The following CCDC14 variants were observed in gnomAD, a reference collection of about 807,000 sequenced individuals.
CCDC14 encodes the protein coiled-coil domain-containing protein 14.
In CCDC14, 71 loss-of-function variants were observed where a neutral mutation model predicts 81.4. That is an observed-to-expected ratio of 0.87 (90% CI 0.72 to 1.06). The LOEUF is 1.06. Among genes scored for constraint, CCDC14 ranks in the 50% least tolerant of loss-of-function variants. CCDC14 has a pLI of 0.00. For missense variants in CCDC14, 1,046 were observed against 1,047.3 expected (o/e 1.00, Z 0.02); for synonymous variants, 332 against 364.8 (o/e 0.91, Z 1.03).
rs371723607 is a variant in CCDC14 at position 123,917,529 on chromosome 3, A to G, written c.1779-1811T>C. ...AAAAAACAAAAAACAAAAAAACCCAAAAAACCAATTTAAACAAAGATACAA... is the reference window on the plus strand; with the variant it reads ...AAAAAACAAAAAACAAAAAAACCCAGAAAACCAATTTAAACAAAGATACAA... On this transcript the variant is annotated intron_variant, in intron 12 of 12. Transcript: ENST00000409697. Among the ~76,000 whole-genome samples the G allele has an allele frequency of 5.3e-5, 8 of 151,968 alleles. No homozygotes were observed. The South Asian group carries it at 1.0e-3, about 20-fold the overall frequency.
intron 9 of CCDC14, among the ~76,000 whole-genome samples, chr3:123,944,036 T>C (rs533005371): frequency 2.6e-5 from 4 of 152,226 alleles, no homozygotes; most frequent in East Asian, 3.9e-4. Context: ...GTGATTGGCA[T>C]TGGAAGTAGA....
chr3:123,902,013 C>T (rs2034188818), intron 5 of CCDC14, among the ~76,000 whole-genome samples: 1 of 152,116 alleles, frequency 6.6e-6, no homozygotes, highest in African/African-American at 2.4e-5. Context: ...CATAGTAAAG[C>T]TTCCAAAGAT....
chr3:123,899,530 C>G (rs888181084), intron 5 of CCDC14, among the ~76,000 whole-genome samples: 1 of 152,234 alleles, frequency 6.6e-6, no homozygotes, highest in African/African-American at 2.4e-5. Context: ...TCCAGCAGTC[C>G]TGGCCAGAAA....
At chr3:123,946,181 CA>C (rs1197846123) in intron 8 of CCDC14, among the ~76,000 whole-genome samples, 1 of 150,934 alleles carries the variant, frequency 6.6e-6, no homozygotes, top group African/African-American at 2.4e-5. Context: ...TCAATGCTTC[CA>C]AAATCAATTA....
chr3:123,952,982 A>C (rs2037111970), intron 5 of CCDC14: 1 of 166,140 alleles, frequency 6.0e-6, no homozygotes, highest in Non-Finnish European at 1.3e-5. Flanking sequence ...CCTTCTGATT[A>C]AGAAAATATG....
At chr3:123,911,148 A>G (rs905309140), downstream of CCDC14, among the ~76,000 whole-genome samples, 17 of 152,324 alleles carry the variant, frequency 1.1e-4, no homozygotes, top group African/African-American at 3.6e-4. Context: ...TTCTTTGGGT[A>G]TAACAGTGAG....
chr3:123,902,623 T>C (rs1447515721), intron 5 of CCDC14, among the ~76,000 whole-genome samples: 1 of 152,048 alleles, frequency 6.6e-6, no homozygotes, highest in East Asian at 1.9e-4. Context: ...AACAAATAAA[T>C]TGTATGGAGG....
intron 5 of CCDC14, among the ~76,000 whole-genome samples, chr3:123,905,194 A>G (rs1431951392): frequency 1.3e-5 from 2 of 152,254 alleles, no homozygotes; most frequent in African/African-American, 2.4e-5. Flanking sequence ...AGAATATACC[A>G]TAAAACTACT....
intron 4 of CCDC14, 35 bp from the exon 5 acceptor site, chr3:123,956,000 A>G: frequency 6.5e-7 from 1 of 1,528,862 alleles, no homozygotes; most frequent in South Asian, 1.3e-5. Context: ...ACATCAAAAT[A>G]ATGACTTGAG....
intron 12 of CCDC14, among the ~76,000 whole-genome samples, chr3:123,924,078 G>A (rs1285218790): frequency 2.6e-5 from 4 of 151,474 alleles, no homozygotes; most frequent in Non-Finnish European, 4.4e-5. Context: ...AAATCAAAAC[G>A]GCATGAACTG....
intron 5 of CCDC14, among the ~76,000 whole-genome samples, chr3:123,905,212 CT>C (rs2148763021): frequency 6.6e-6 from 1 of 152,206 alleles, no homozygotes; most frequent in Admixed American, 6.5e-5. Context: ...ACTGAGAAAC[CT>C]TTGGGGAGAC....
At chr3:123,960,813 A>T (rs1365455919) in intron 1 of CCDC14, among the ~76,000 whole-genome samples, 14 of 152,152 alleles carry the variant, frequency 9.2e-5, no homozygotes, top group Admixed American at 9.2e-4. Context: ...CTGAGCAGTA[A>T]AAAGTAGTAG....
At chr3:123,924,215 T>C (rs1455689214) in intron 12 of CCDC14, among the ~76,000 whole-genome samples, 1 of 152,070 alleles carries the variant, frequency 6.6e-6, no homozygotes, top group African/African-American at 2.4e-5. Flanking sequence ...CAAATGGTGA[T>C]GGGAAAACTG....
the CCDC14 span, among the ~76,000 whole-genome samples, chr3:123,889,974 C>G: frequency 5.3e-5 from 8 of 152,182 alleles, no homozygotes; most frequent in Non-Finnish European, 1.0e-4. Context: ...GTTTAATGGA[C>G]TTACAATTTC....
In CCDC14 at chr3:123,915,538, G is replaced by GT; in HGVS notation, c.1958dup (p.Tyr653Ter). 1.2e-6 allele frequency: 2 copies of GT among 1,614,008 alleles called. No homozygotes were observed. Among genetic ancestry groups the GT allele is most frequent in the Non-Finnish European group, 1.7e-6 (2 of 1,179,892 alleles). Residue 653 changes from tyrosine (Y) to a stop codon, truncating the protein, a stop_gained and frameshift_variant, in exon 13 of 13, where the codon TAC becomes TAAC. Coordinates refer to ENST00000409697, the MANE Select transcript of CCDC14 (RefSeq NM_001366335.1). LOFTEE classifies it low-confidence loss of function (END_TRUNC). ...MSYLNKLETN[Y>*]SFTHSEPLST... ...AAAGTGGCTCTGAATGTGTAAAACT[G>GT]TAATTTGTTTCTAACTTATTTAGAT...
chr3:123,956,444 T>C lies in CCDC14; in HGVS notation c.87-17A>G. On this transcript the variant is annotated splice_polypyrimidine_tract_variant and intron_variant, in intron 2 of 12. Transcript: ENST00000409697. ...AAATAGGTCCTGGAAAACAAGCTTA[T>C]TAATATTCTTACAAATATTTTTCCC... 6.7e-7 allele frequency: 1 copy of C among 1,497,644 alleles called. No individual in the cohort carries two copies. Among genetic ancestry groups the C allele is most frequent in the East Asian group, 2.5e-5 (1 of 40,500 alleles). The allele number at this position is 1,497,644 out of a possible 1,614,324, so 92.8% of individuals were successfully genotyped here.
At chr3:123,950,945 T>C (rs1018581534) in intron 5 of CCDC14, among the ~76,000 whole-genome samples, 1 of 151,276 alleles carries the variant, frequency 6.6e-6, no homozygotes, top group African/African-American at 2.4e-5. Flanking sequence ...CCAGTGAAAA[T>C]AGAAAAAAAA....
intron 9 of CCDC14, among the ~76,000 whole-genome samples, chr3:123,944,218 C>T (rs1181388465): frequency 6.6e-6 from 1 of 152,044 alleles, no homozygotes; most frequent in East Asian, 1.9e-4. Context: ...TGTTCTGTGT[C>T]GATTGCTGTG....
At chr3:123,929,355 C>G (rs4677908) in intron 12 of CCDC14, among the ~76,000 whole-genome samples, 16,667 of 151,840 alleles carry the variant, frequency 0.11, 2,035 homozygotes, top group East Asian at 0.42. Context: ...CTGTCGCCCA[C>G]GTTGGAATGC....
Sources: gnomAD v4.1 joint callset for allele counts (sites outside exome capture counted in the v4.1 genomes callset) on GRCh38, gnomAD v4.1.1 for gene constraint, MANE v1.5 for transcripts, NCBI Gene and HGNC (gene_info 2026-07-23, HGNC 2026-07-21) for gene names.